The following CCDC7 variants were observed in gnomAD, a reference collection of about 807,000 sequenced individuals.
The protein encoded by CCDC7 is coiled-coil domain containing 7.
In CCDC7, 183 loss-of-function variants were observed where a neutral mutation model predicts 196.9. The ratio of observed to expected loss-of-function variants is 0.93; its 90% CI spans 0.82 to 1.05. The LOEUF (loss-of-function observed/expected upper bound fraction) is 1.05, where lower values mean the gene tolerates loss of function less well. CCDC7 is among the 50% of genes least tolerant of loss of function. The probability of loss-of-function intolerance (pLI) is 0.00; values close to 1 mark genes in which losing one functional copy is unlikely to be tolerated. For synonymous variants in CCDC7, 525 were observed against 484.6 expected (o/e 1.08, Z -1.10); for missense variants, 1,540 against 1,482.2 (o/e 1.04, Z -0.64).
intron 33 of CCDC7, among the ~76,000 whole-genome samples, chr10:32,843,296 C>T (rs1652317596): frequency 6.6e-6 from 1 of 151,680 alleles, no homozygotes; most frequent in Non-Finnish European, 1.5e-5. Context: ...ATAACAATGT[C>T]TTTTATATAT....
chr10:32,483,980 C>T (rs1474430538), intron 8 of CCDC7, among the ~76,000 whole-genome samples: 1 of 152,186 alleles, frequency 6.6e-6, no homozygotes. Context: ...GCAATGTGGG[C>T]TCTTTTTTGG....
At chr10:32,488,561 C>T (rs926766530) in intron 8 of CCDC7, among the ~76,000 whole-genome samples, 6 of 152,120 alleles carry the variant, frequency 3.9e-5, no homozygotes, top group Admixed American at 2.6e-4. Flanking sequence ...AGAAATCACC[C>T]GTCTTCTGCG....
chr10:32,849,508 T>C (rs1271405547), intron 39 of CCDC7, among the ~76,000 whole-genome samples: 1 of 151,648 alleles, frequency 6.6e-6, no homozygotes, highest in Non-Finnish European at 1.5e-5. Context: ...ATAGAGACCA[T>C]CCTGGCCAAC....
chr10:32,511,269 G>GGGA (rs1564506631), intron 9 of CCDC7: 6 of 474,038 alleles, frequency 1.3e-5, no homozygotes, highest in Non-Finnish European at 2.2e-5. Flanking sequence ...GGCGGGGGGG[G>GGGA]CGGGGAAATG....
At chr10:32,594,096 G>A (rs1325390708) in intron 18 of CCDC7, among the ~76,000 whole-genome samples, 1 of 152,200 alleles carries the variant, frequency 6.6e-6, no homozygotes, top group Non-Finnish European at 1.5e-5. Flanking sequence ...AAAGTCATTG[G>A]TAGCTTGAAG....
intron 28 of CCDC7, among the ~76,000 whole-genome samples, chr10:32,743,943 A>G: frequency 7.3e-6 from 1 of 136,806 alleles, no homozygotes; most frequent in Admixed American, 8.3e-5. Context: ...AATAATGAGA[A>G]CACTTGGACA....
chr10:32,541,297 G>A (rs1473966846), intron 11 of CCDC7, among the ~76,000 whole-genome samples: 5 of 136,634 alleles, frequency 3.7e-5, no homozygotes, highest in African/African-American at 1.4e-4. Flanking sequence ...ACATGAAGGT[G>A]CACCCTCTCA....
At chr10:32,472,772 T>C (rs2038210385) in intron 7 of CCDC7, among the ~76,000 whole-genome samples, 1 of 151,918 alleles carries the variant, frequency 6.6e-6, no homozygotes, top group Non-Finnish European at 1.5e-5. Context: ...ATTTTTTTTT[T>C]TTTGTACAGA....
chr10:32,770,327 TG>T (rs2078983125), intron 28 of CCDC7, among the ~76,000 whole-genome samples: 1 of 152,186 alleles, frequency 6.6e-6, no homozygotes, highest in Admixed American at 6.6e-5. Flanking sequence ...CATTTTCACT[TG>T]TTTCAGAAAA....
chr10:32,708,963 A>G (rs541771606), intron 24 of CCDC7, among the ~76,000 whole-genome samples: 1 of 152,324 alleles, frequency 6.6e-6, no homozygotes, highest in South Asian at 2.1e-4. Context: ...CAGCACTCCC[A>G]TTACTGGGTA....
chr10:32,675,318 G>A (rs370034798), intron 21 of CCDC7, among the ~76,000 whole-genome samples: 1 of 69,102 alleles, frequency 1.4e-5, no homozygotes, highest in South Asian at 3.9e-4. Context: ...TTACAGTTAC[G>A]ATTACCATAA....
intron 24 of CCDC7, among the ~76,000 whole-genome samples, chr10:32,697,162 C>T (rs2077846703): frequency 6.6e-6 from 1 of 152,146 alleles, no homozygotes. Context: ...AAGACAGTGA[C>T]AGATCATCAG....
chr10:32,644,351 C>G (rs374271215), intron 20 of CCDC7, among the ~76,000 whole-genome samples: 1 of 152,244 alleles, frequency 6.6e-6, no homozygotes, highest in East Asian at 1.9e-4. Flanking sequence ...GCTGTTCCTC[C>G]TCCCCCAACC....
intron 28 of CCDC7, among the ~76,000 whole-genome samples, chr10:32,748,193 A>G (rs566427090): frequency 1.3e-5 from 2 of 152,174 alleles, no homozygotes; most frequent in Non-Finnish European, 2.9e-5. Flanking sequence ...AGGGAACAAT[A>G]GACACTGGGG....
intron 23 of CCDC7, among the ~76,000 whole-genome samples, chr10:32,690,078 G>A (rs1411204939): frequency 6.6e-6 from 1 of 152,158 alleles, no homozygotes. Context: ...TCAAAGCTTG[G>A]CAGTCTCCTC....
chr10:32,701,476 C>A lies in CCDC7; in HGVS notation c.2458+6484C>A, dbSNP rs1026164427. Among the ~76,000 whole-genome samples the A allele has an allele frequency of 2.6e-5, 4 of 152,100 alleles. No homozygotes were observed. In the East Asian group the frequency reaches 7.7e-4, roughly 29 times the overall value. The stretch of plus-strand genomic sequence containing the variant: ...TCATCAGGGATATTGGTCTAAAATT[C>A]TCTTTTTTGGTTGTGTGTCTGCCAG... On this transcript the variant is annotated intron_variant, in intron 24 of 41. Coordinates refer to ENST00000639629, the Ensembl canonical transcript of CCDC7.
chr10:32,850,307 T>G (rs1001215201), intron 39 of CCDC7, among the ~76,000 whole-genome samples: 2 of 152,100 alleles, frequency 1.3e-5, no homozygotes, highest in Non-Finnish European at 2.9e-5. Context: ...GGTGGTTTGG[T>G]GGCTAAACTT....
chr10:32,609,513 C>A (rs1452367180), intron 18 of CCDC7, among the ~76,000 whole-genome samples: 1 of 151,998 alleles, frequency 6.6e-6, no homozygotes, highest in Non-Finnish European at 1.5e-5. Context: ...ATACTTGAGT[C>A]ATTTTTTAAA....
chr10:32,561,121 C>A (rs1418442753), intron 13 of CCDC7, among the ~76,000 whole-genome samples: 2 of 152,124 alleles, frequency 1.3e-5, no homozygotes, highest in Non-Finnish European at 2.9e-5. Context: ...GGTAACTATC[C>A]TAAATATATA....
Sources: allele counts gnomAD v4.1 joint callset (sites outside exome capture counted in the v4.1 genomes callset), GRCh38; gene constraint gnomAD v4.1.1; transcripts MANE v1.5; gene names NCBI Gene and HGNC (gene_info 2026-07-23, HGNC 2026-07-21).